Variants in LYPD6 observed in about 807,000 individuals in gnomAD.
LYPD6 encodes LY6/PLAUR domain containing 6.
In LYPD6, 15 loss-of-function variants were observed where a neutral mutation model predicts 22.7. The ratio of observed to expected loss-of-function variants is 0.66; its 90% CI spans 0.44 to 1.02. The LOEUF (loss-of-function observed/expected upper bound fraction) is 1.02, where lower values mean the gene tolerates loss of function less well. LYPD6 is among the 50% of genes least tolerant of loss of function. The pLI is 0.00. For missense variants in LYPD6, 189 were observed against 208.4 expected, an observed-to-expected ratio of 0.91 and a Z score of 0.57; for synonymous variants, 72 against 77.5, an observed-to-expected ratio of 0.93 and a Z score of 0.37.
Position 149,468,722 on chromosome 2 carries a change from C to A in LYPD6, c.295C>A (p.Leu99Met), listed in dbSNP as rs758842443. The change falls in exon 4 of 5, where the codon CTG (leucine) becomes ATG (methionine). Residue 99 changes from leucine to methionine, a missense_variant. Transcript: ENST00000334166. ...CTCAGTCACCAAACGCTGTGTCCCA[C>A]TGGAAGAGTGCTTATCCACTGGCTG... ...SISVTKRCVP[L>M]EECLSTGCRD... is the part of the protein sequence containing the mutation. 3 of 1,613,734 alleles carry A rather than the reference C, an allele frequency of 1.9e-6. No individual in the cohort carries two copies. The highest frequency in any genetic ancestry group is 1.7e-6 in the Non-Finnish European group (2 of 1,179,736).
At chr2:149,392,717 AT>A (rs1682339674) in intron 1 of LYPD6, among the ~76,000 whole-genome samples, 1 of 152,190 alleles carries the variant, frequency 6.6e-6, no homozygotes, top group South Asian at 2.1e-4. Flanking sequence ...TGCTTTATGT[AT>A]GACCCCACTA....
At chr2:149,405,697 T>C (rs1682686825) in intron 1 of LYPD6, among the ~76,000 whole-genome samples, 1 of 152,166 alleles carries the variant, frequency 6.6e-6, no homozygotes, top group African/African-American at 2.4e-5. Flanking sequence ...CCTGGATTCA[T>C]TAATTGTTTG....
chr2:149,425,480 T>G (rs1218415571), intron 1 of LYPD6, among the ~76,000 whole-genome samples: 2 of 152,190 alleles, frequency 1.3e-5, no homozygotes, highest in African/African-American at 2.4e-5. Context: ...GAGGACAATT[T>G]TCTTATCCAT....
Position 149,437,759 on chromosome 2 carries a change from G to A in LYPD6, c.51G>A (p.Ala17=), listed in dbSNP as rs749978678. ...LAWLLLLSLL[A]DCLKAAQSRD... ...GGCTCCTGCTCCTGAGCCTGCTGGC[G>A]GATTGTCTGAAAGCTGCTCAGTCCC... The change falls in exon 2 of 5, where the codon GCG becomes GCA. Residue 17 remains alanine, a synonymous_variant. Coordinates refer to ENST00000334166, the MANE Select transcript of LYPD6 (RefSeq NM_194317.5). 8 of 1,613,982 alleles carry A rather than the reference G, an allele frequency of 5.0e-6. No individual in the cohort carries two copies. The highest frequency in any genetic ancestry group is 2.7e-5 in the African/African-American group (2 of 74,908).
At chr2:149,397,103 G>A (rs577522870) in intron 1 of LYPD6, among the ~76,000 whole-genome samples, 25 of 152,122 alleles carry the variant, frequency 1.6e-4, no homozygotes, top group African/African-American at 4.8e-4. Context: ...TCACTTCATC[G>A]GTGTCGAACC....
intron 1 of LYPD6, among the ~76,000 whole-genome samples, chr2:149,429,648 T>TA (rs1683268994): frequency 6.6e-6 from 1 of 152,244 alleles, no homozygotes; most frequent in South Asian, 2.1e-4. Context: ...TGGAAGCCAG[T>TA]AACAATCATT....
At chr2:149,384,965 T>A (rs1559133054) in intron 1 of LYPD6, among the ~76,000 whole-genome samples, 1 of 148,692 alleles carries the variant, frequency 6.7e-6, no homozygotes, top group Non-Finnish European at 1.5e-5. Flanking sequence ...CACCTGTGAG[T>A]GAGAACATGT....
intron 3 of LYPD6, among the ~76,000 whole-genome samples, chr2:149,451,815 G>A (rs964923329): frequency 6.6e-6 from 1 of 152,192 alleles, no homozygotes; most frequent in Non-Finnish European, 1.5e-5. Flanking sequence ...ACCATGCTAG[G>A]CCCCTTGGGG....
In LYPD6 at chr2:149,468,758, G is replaced by C; in HGVS notation, c.331G>C (p.Glu111Gln). The C allele has an allele frequency of 6.2e-7, 1 of 1,613,474 alleles. No individual in the cohort carries two copies. The highest frequency in any genetic ancestry group is 8.5e-7 in the Non-Finnish European group (1 of 1,179,672). Residue 111 changes from glutamate to glutamine, a missense_variant, in exon 4 of 5, where the codon GAG (glutamate) becomes CAG (glutamine). Physicochemically the swap from Glu to Gln is conservative, Grantham distance 29. Transcript: ENST00000334166. ...ECLSTGCRDSEHEGHKVCTSC... is the reference protein window; with the variant it reads ...ECLSTGCRDSQHEGHKVCTSC... The stretch of plus-strand genomic sequence containing the variant: ...CTTATCCACTGGCTGCAGAGACTCC[G>C]AGCATGAAGGCCACAAGGTCTGGGC...
At chr2:149,464,324 C>A in intron 3 of LYPD6, 1 of 294,230 alleles carries the variant, frequency 3.4e-6, no homozygotes. Context: ...TGAAGAATAT[C>A]AGGTGTCCAG....
At chr2:149,355,126 A>C (rs906713622) in intron 1 of LYPD6, among the ~76,000 whole-genome samples, 10 of 152,190 alleles carry the variant, frequency 6.6e-5, no homozygotes, top group African/African-American at 2.2e-4. Flanking sequence ...AGTTACATTA[A>C]ATGTTAGTCT....
chr2:149,348,061 CAAAAAAAAAAA>C (rs58228847), intron 1 of LYPD6, among the ~76,000 whole-genome samples: 1 of 76,718 alleles, frequency 1.3e-5, no homozygotes, highest in Non-Finnish European at 2.6e-5. Context: ...ACTAAAAATA[CAAAAAAAAAAA>C]AAAAAAAAAA....
intron 1 of LYPD6, chr2:149,367,896 T>C (rs930256867): frequency 6.6e-6 from 1 of 152,198 alleles, no homozygotes; most frequent in Admixed American, 6.5e-5. Context: ...GTTCTGGAGA[T>C]TTTCAGTTTT....
chr2:149,467,232 G>A (rs957044062), intron 3 of LYPD6, among the ~76,000 whole-genome samples: 6 of 152,180 alleles, frequency 3.9e-5, no homozygotes, highest in Non-Finnish European at 7.4e-5. Context: ...GGGCAACCTT[G>A]GAGCAAGCTT....
chr2:149,466,152 G>A (rs1321137783), intron 3 of LYPD6, among the ~76,000 whole-genome samples: 1 of 152,114 alleles, frequency 6.6e-6, no homozygotes, highest in African/African-American at 2.4e-5. Flanking sequence ...TTCTACTTGG[G>A]AAATTCTGCC....
intron 1 of LYPD6, among the ~76,000 whole-genome samples, chr2:149,364,091 A>C (rs576907995): frequency 3.3e-5 from 5 of 152,136 alleles, no homozygotes; most frequent in Admixed American, 2.0e-4. Flanking sequence ...ATTTGCAATG[A>C]TTTCAGCAGC....
chr2:149,470,848 T>C lies in LYPD6; in HGVS notation c.514T>C (p.Ter172GlnextTer8). 9 of 1,611,464 alleles carry C rather than the reference T, an allele frequency of 5.6e-6. No individual in the cohort carries two copies. Among genetic ancestry groups the C allele is most frequent in the East Asian group, 2.2e-5 (1 of 44,784 alleles). ...GTGGTTGTGGTTAGGGCTCATGTTA[T>C]AGTGGCTCAGTGGCTCCATGTGTTA... is the stretch of plus-strand genomic sequence containing the variant. ...CLWLWLGLML[*>Q] is the part of the protein sequence containing the mutation. Residue 172 changes from the stop codon to glutamine, a stop_lost, in exon 5 of 5, where the codon TAG (stop) becomes CAG (glutamine). Transcript: ENST00000334166.
intron 1 of LYPD6, among the ~76,000 whole-genome samples, chr2:149,332,790 T>C (rs999028918): frequency 6.6e-6 from 1 of 152,238 alleles, no homozygotes; most frequent in African/African-American, 2.4e-5. Context: ...TGCTGTCTGC[T>C]CAATATCATT....
At chr2:149,456,669 A>AG (rs1360939878) in intron 3 of LYPD6, among the ~76,000 whole-genome samples, 1 of 152,232 alleles carries the variant, frequency 6.6e-6, no homozygotes, top group Non-Finnish European at 1.5e-5. Context: ...TGAAGACACA[A>AG]GGAAAAGACT....
Sources: gnomAD v4.1 joint callset for allele counts (sites outside exome capture counted in the v4.1 genomes callset) on GRCh38, gnomAD v4.1.1 for gene constraint, MANE v1.5 for transcripts, NCBI Gene and HGNC (gene_info 2026-07-23, HGNC 2026-07-21) for gene names.